The following SFXN2 variants were observed in gnomAD, a reference collection of about 807,000 sequenced individuals.
SFXN2 encodes the protein sideroflexin 2.
In SFXN2, 37 loss-of-function variants were observed where a neutral mutation model predicts 41.9. The ratio of observed to expected loss-of-function variants is 0.88; its 90% CI spans 0.68 to 1.16. The LOEUF is 1.16. Among genes scored for constraint, SFXN2 ranks in the 50% most tolerant of loss-of-function variants. SFXN2 has a pLI of 0.00. For missense variants in SFXN2, 386 were observed against 425.2 expected (o/e 0.91, Z 0.81); for synonymous variants, 150 against 156.7 (o/e 0.96, Z 0.32).
At chr10:102,736,068 G>A (rs1190768833) in intron 11 of SFXN2, among the ~76,000 whole-genome samples, 159 bp downstream of exon 11, 1 of 152,120 alleles carries the variant, frequency 6.6e-6, no homozygotes, top group Non-Finnish European at 1.5e-5. Flanking sequence ...TCTTAACCCT[G>A]GTGAATTCTG....
intron 1 of SFXN2, among the ~76,000 whole-genome samples, chr10:102,721,522 CGT>C (rs1461763259): frequency 1.4e-5 from 2 of 146,456 alleles, no homozygotes; most frequent in East Asian, 1.9e-4. Flanking sequence ...TATATTTAAA[CGT>C]AATTCATGTC....
chr10:102,720,182 C>T (rs1359363067), intron 1 of SFXN2, among the ~76,000 whole-genome samples: 2 of 150,020 alleles, frequency 1.3e-5, no homozygotes, highest in East Asian at 4.0e-4. Flanking sequence ...ATCCCAGCTA[C>T]TCAGGAGGCT....
At chr10:102,731,605 C>G (rs1029078620) in intron 6 of SFXN2, 118 bp from the exon 7 acceptor site, 1 of 769,276 alleles carries the variant, frequency 1.3e-6, no homozygotes, top group Middle Eastern at 2.8e-4. Context: ...AAGGCCCAGG[C>G]TACAGGAGGT....
chr10:102,715,463 T>G (rs2136017646), intron 1 of SFXN2: 1 of 152,350 alleles, frequency 6.6e-6, no homozygotes, highest in South Asian at 2.1e-4. Context: ...GACACTGGGG[T>G]GGGTTGGGAA....
intron 1 of SFXN2, chr10:102,724,959 A>G (rs1225023583): frequency 6.6e-6 from 1 of 151,182 alleles, no homozygotes. Context: ...TTTTCACTGA[A>G]AGCTGGACAT....
intron 1 of SFXN2, among the ~76,000 whole-genome samples, chr10:102,722,989 TG>T (rs1219191742): frequency 3.0e-5 from 4 of 131,950 alleles, no homozygotes; most frequent in African/African-American, 5.7e-5. Flanking sequence ...TGGAGTGCAG[TG>T]GCTTGATCTT....
Position 102,741,379 on chromosome 10 carries a change from G to A in SFXN2, c.*3617G>A, listed in dbSNP as rs989924445. On this transcript the variant is annotated 3_prime_UTR_variant, in exon 12 of 12. Transcript: ENST00000369893. ...AGTGATCCTCCTGCCTTAGCCTCCC[G>A]AGTAGCTTCTTTTTCCTGAGTTCGG... The A allele has an allele frequency of 2.6e-5, 4 of 152,172 alleles. No homozygotes were observed. The highest frequency in any genetic ancestry group is 4.1e-4 in the South Asian group (2 of 4,820). The allele number at this position is 152,172 out of a possible 1,614,324, so 9.4% of individuals were successfully genotyped here. A position where few individuals can be genotyped will look rare whatever the true frequency, so the allele number is the denominator to read the frequency against.
intron 1 of SFXN2, among the ~76,000 whole-genome samples, chr10:102,717,162 C>T (rs1160277144): frequency 2.3e-5 from 3 of 130,618 alleles, no homozygotes; most frequent in African/African-American, 6.0e-5. Flanking sequence ...GACGGAGTCT[C>T]GCTCTGTCAC....
chr10:102,717,350 C>G (rs1264658405), intron 1 of SFXN2, among the ~76,000 whole-genome samples: 1 of 152,036 alleles, frequency 6.6e-6, no homozygotes, highest in Non-Finnish European at 1.5e-5. Context: ...CCAGGATGGT[C>G]TCGATCTGAC....
intron 10 of SFXN2, 152 bp from the exon 11 acceptor site, chr10:102,735,710 C>T (rs986192930): frequency 2.1e-5 from 16 of 766,812 alleles, no homozygotes; most frequent in African/African-American, 5.1e-5. Flanking sequence ...CCTCGCACTG[C>T]GGGAACAGGA....
At chr10:102,729,248 C>T in intron 4 of SFXN2, 71 bp from the exon 5 acceptor site, 1 of 1,479,336 alleles carries the variant, frequency 6.8e-7, no homozygotes, top group Non-Finnish European at 9.4e-7. Flanking sequence ...AGCCGACTTT[C>T]TCCCTGAAGC....
Position 102,741,845 on chromosome 10 carries a change from T to G in SFXN2, c.*4083T>G, listed in dbSNP as rs1842788184. On this transcript the variant is annotated 3_prime_UTR_variant, in exon 12 of 12. Transcript: ENST00000369893. ...AATTTTTACTTCTCCTCTAAGGAGC[T>G]TGACTTGTGGAATGGATAAATTTCT... 1 of 152,378 alleles carries G rather than the reference T, an allele frequency of 6.6e-6. No homozygotes were observed. The highest frequency in any genetic ancestry group is 6.5e-5 in the Admixed American group (1 of 15,308). The allele number at this position is 152,378 out of a possible 1,614,324, so 9.4% of individuals were successfully genotyped here.
At position 102,734,914 on chromosome 10, in the gene SFXN2, C is replaced by T. The variant is rs536172881; in HGVS notation, c.822-948C>T. 2.8e-4 allele frequency among the ~76,000 whole-genome samples: 43 copies of T among 152,292 alleles called. No individual in the cohort carries two copies. The highest frequency in any genetic ancestry group is 4.7e-4 in the Non-Finnish European group (32 of 68,018). Reference sequence around the variant, plus strand: ...ACTCTGAAGTCCTTCCCCAGACCCCCTCAGTTGGCACCTGGCATTTTAATA... The same window carrying T: ...ACTCTGAAGTCCTTCCCCAGACCCCTTCAGTTGGCACCTGGCATTTTAATA... On this transcript the variant is annotated intron_variant, in intron 10 of 11. Coordinates refer to ENST00000369893, the MANE Select transcript of SFXN2 (RefSeq NM_178858.6). This position sits in a 1 kb window ranked among gnomAD's most constrained non-coding sequence, Gnocchi z 4.1.
At chr10:102,731,264 CA>C (rs368931070) in intron 6 of SFXN2, among the ~76,000 whole-genome samples, 385 of 85,182 alleles carry the variant, frequency 4.5e-3, no homozygotes, top group South Asian at 0.044. Flanking sequence ...GCGATTGTCT[CA>C]AAAAAAAAAA....
chr10:102,736,038 A>C, intron 11 of SFXN2, 129 bp downstream of exon 11: 1 of 918,020 alleles, frequency 1.1e-6, no homozygotes, highest in East Asian at 2.4e-5. Flanking sequence ...ACAAGTGTCC[A>C]TCAGCCTAAA....
rs1348390295 is a variant in SFXN2 at position 102,732,315 on chromosome 10, T to C, written c.721+97T>C. ...TTTGGGTGGGAGGTGGGGCCCACCT[T>C]CTACAGCCATGCTTCTCAAACTGCT... On this transcript the variant is annotated intron_variant, in intron 8 of 11. Coordinates refer to ENST00000369893, the MANE Select transcript of SFXN2 (RefSeq NM_178858.6). 4.0e-6 allele frequency: 4 copies of C among 994,436 alleles called. No homozygotes were observed. The African/African-American group carries it at 6.4e-5, about 16-fold the overall frequency. 61.6% of individuals were successfully genotyped at this position (994,436 alleles called of 1,614,324 possible).
chr10:102,733,685 A>T, intron 10 of SFXN2, 82 bp downstream of exon 10: 1 of 1,181,884 alleles, frequency 8.5e-7, no homozygotes, highest in Non-Finnish European at 1.3e-6. Flanking sequence ...CGTGTTGGAG[A>T]ACGTGTACTC....
chr10:102,735,063 A>G (rs2064755373), intron 10 of SFXN2, among the ~76,000 whole-genome samples: 1 of 148,456 alleles, frequency 6.7e-6, no homozygotes, highest in Non-Finnish European at 1.5e-5. Flanking sequence ...CTCCCCCTCC[A>G]TAGTGCCCCT....
chr10:102,724,437 C>T (rs569622577), intron 1 of SFXN2, among the ~76,000 whole-genome samples: 1 of 152,302 alleles, frequency 6.6e-6, no homozygotes, highest in Admixed American at 6.5e-5. Context: ...GACGTGGTGG[C>T]TCACGCCTGT....
Sources: gnomAD v4.1 joint callset for allele counts (sites outside exome capture counted in the v4.1 genomes callset) on GRCh38, gnomAD v4.1.1 for gene constraint, Gnocchi (gnomAD v3.1) non-coding constraint, MANE v1.5 for transcripts, NCBI Gene and HGNC (gene_info 2026-07-23, HGNC 2026-07-21) for gene names.